Variants in VEZT observed in about 807,000 individuals in gnomAD.
VEZT encodes the protein vezatin, adherens junctions transmembrane protein.
Under a neutral mutation model 79.9 loss-of-function variants are expected in VEZT, and 39 were observed. The ratio of observed to expected loss-of-function variants is 0.49; its 90% confidence interval spans 0.38 to 0.64. The LOEUF is 0.64. Ranked by LOEUF, VEZT falls within the 30% of genes least tolerant of loss-of-function variation. The pLI, the probability that VEZT is intolerant of heterozygous loss-of-function variation, is 0.00. For synonymous variants in VEZT, 325 were observed against 327.6 expected (o/e 0.99, Z 0.09); for missense variants, 837 against 893.1 (o/e 0.94, Z 0.80).
At chr12:95,237,538 A>T (rs895764809) in intron 1 of VEZT, among the ~76,000 whole-genome samples, 10 of 152,220 alleles carry the variant, frequency 6.6e-5, no homozygotes, top group South Asian at 2.1e-4. Flanking sequence ...GTAACCTCAG[A>T]AATGGGCAGT....
intron 1 of VEZT, among the ~76,000 whole-genome samples, chr12:95,225,556 CAAACAAAACA>C (rs543072496): frequency 2.9e-4 from 44 of 151,632 alleles, no homozygotes; most frequent in South Asian, 2.7e-3. Context: ...GACTCTGTCT[CAAACAAAACA>C]AAACAAAACA....
chr12:95,250,500 A>G (rs1375497245), intron 1 of VEZT, among the ~76,000 whole-genome samples: 1 of 151,428 alleles, frequency 6.6e-6, no homozygotes, highest in African/African-American at 2.4e-5. Flanking sequence ...ACAGGGTTTC[A>G]CCATGTTGGC....
intron 4 of VEZT, among the ~76,000 whole-genome samples, chr12:95,265,440 A>G (rs2065350407): frequency 1.3e-5 from 2 of 148,986 alleles, no homozygotes; most frequent in Admixed American, 6.8e-5. Context: ...CATATTCTTG[A>G]TCTAGTATGT....
Position 95,301,691 on chromosome 12 carries a change from T to G in VEZT, c.*1018T>G, listed in dbSNP as rs959809006. ...TCAGCATATACAGTTTTGAAACCTGTAGCTCCTATGCAATAACATAGTTCT... is the reference window on the plus strand; with the variant it reads ...TCAGCATATACAGTTTTGAAACCTGGAGCTCCTATGCAATAACATAGTTCT... On this transcript the variant is annotated 3_prime_UTR_variant, in exon 12 of 12. Transcript: ENST00000436874. The G allele has an allele frequency of 6.6e-6, 1 of 152,256 alleles. No individual in the cohort carries two copies. The highest frequency in any genetic ancestry group is 2.1e-4 in the South Asian group (1 of 4,834). The allele number at this position is 152,256 out of a possible 1,614,324, so 9.4% of individuals were successfully genotyped here.
intron 2 of VEZT, 133 bp from the exon 3 acceptor site, chr12:95,257,017 T>A: frequency 1.5e-6 from 1 of 677,476 alleles, no homozygotes; most frequent in Non-Finnish European, 2.4e-6. Flanking sequence ...ACTGACAAGG[T>A]ATATAACCTG....
At chr12:95,229,915 C>T (rs1262244897) in intron 1 of VEZT, among the ~76,000 whole-genome samples, 5 of 151,968 alleles carry the variant, frequency 3.3e-5, no homozygotes, top group Non-Finnish European at 7.4e-5. Context: ...CATGGTGAAA[C>T]CCCATCTCTA....
At chr12:95,247,102 G>A (rs1333232854) in intron 1 of VEZT, among the ~76,000 whole-genome samples, 1 of 152,194 alleles carries the variant, frequency 6.6e-6, no homozygotes, top group Non-Finnish European at 1.5e-5. Context: ...TATGTTGAGT[G>A]ATCAGGTTTT....
intron 1 of VEZT, among the ~76,000 whole-genome samples, chr12:95,226,289 A>G (rs2058473961): frequency 6.6e-6 from 1 of 152,136 alleles, no homozygotes; most frequent in Non-Finnish European, 1.5e-5. Context: ...CTGTAACACA[A>G]GAGATACATT....
chr12:95,275,367 C>G (rs1018116855), intron 7 of VEZT, among the ~76,000 whole-genome samples: 7 of 152,068 alleles, frequency 4.6e-5, no homozygotes, highest in African/African-American at 1.4e-4. Flanking sequence ...CCAAAGCAGG[C>G]AGATCACCTG....
At chr12:95,270,261 C>T (rs577205532) in intron 6 of VEZT, 73 bp downstream of exon 6, 304 of 1,428,240 alleles carry the variant, frequency 2.1e-4, no homozygotes, top group South Asian at 1.9e-3. Context: ...ATAGTTGTAT[C>T]CTGTGAAAGT....
At chr12:95,221,801 T>G (rs2057634139) in intron 1 of VEZT, among the ~76,000 whole-genome samples, 1 of 152,036 alleles carries the variant, frequency 6.6e-6, no homozygotes, top group South Asian at 2.1e-4. Flanking sequence ...TGAGCTACAA[T>G]TCCAGCCTGG....
chr12:95,284,320 T>G (rs1238877083), intron 8 of VEZT, among the ~76,000 whole-genome samples: 1 of 152,232 alleles, frequency 6.6e-6, no homozygotes, highest in African/African-American at 2.4e-5. Flanking sequence ...TTTAGAATGC[T>G]CTTTTTGTGT....
intron 11 of VEZT, among the ~76,000 whole-genome samples, chr12:95,298,343 G>A (rs764749296): frequency 3.6e-4 from 55 of 152,222 alleles, no homozygotes; most frequent in Non-Finnish European, 6.2e-4. Context: ...GCATATAGCA[G>A]AGAAGGGAAA....
At chr12:95,269,664 T>C (rs2138722884) in intron 5 of VEZT, among the ~76,000 whole-genome samples, 1 of 152,290 alleles carries the variant, frequency 6.6e-6, no homozygotes, top group Non-Finnish European at 1.5e-5. Flanking sequence ...GAAAACTGAA[T>C]ATAAAGTAGC....
At chr12:95,243,636 G>A (rs1056250966) in intron 1 of VEZT, among the ~76,000 whole-genome samples, 4 of 152,200 alleles carry the variant, frequency 2.6e-5, no homozygotes, top group African/African-American at 9.6e-5. Flanking sequence ...TGATTTAGGT[G>A]TGGTTTGTCC....
intron 9 of VEZT, among the ~76,000 whole-genome samples, chr12:95,292,669 C>T (rs1407849346): frequency 6.6e-6 from 1 of 151,794 alleles, no homozygotes; most frequent in African/African-American, 2.4e-5. Flanking sequence ...CTGCCTCAGC[C>T]TCCCAAATAG....
Position 95,266,349 on chromosome 12 carries a change from G to T in VEZT, c.435-8G>T. Reference sequence around the variant, plus strand: ...ATGCATATCATTTTCTTCCTTTCTTGTTCCCAGGGATCTCTCAATGCTATT... The same window carrying T: ...ATGCATATCATTTTCTTCCTTTCTTTTTCCCAGGGATCTCTCAATGCTATT... On this transcript the variant is annotated splice_region_variant and splice_polypyrimidine_tract_variant and intron_variant, in intron 4 of 11. Coordinates refer to ENST00000436874, the MANE Select transcript of VEZT (RefSeq NM_017599.4). 13 of 1,586,066 alleles carry T rather than the reference G, an allele frequency of 8.2e-6. No individual in the cohort carries two copies. Among genetic ancestry groups the T allele is most frequent in the Admixed American group, 1.7e-5 (1 of 58,346 alleles).
intron 8 of VEZT, among the ~76,000 whole-genome samples, chr12:95,285,316 C>T (rs1400628860): frequency 2.0e-5 from 3 of 151,700 alleles, no homozygotes; most frequent in Non-Finnish European, 4.4e-5. Flanking sequence ...TGGTGGTACA[C>T]GCCTGTAGTC....
At chr12:95,235,635 A>C (rs1593178203) in intron 1 of VEZT, among the ~76,000 whole-genome samples, 1 of 126,426 alleles carries the variant, frequency 7.9e-6, no homozygotes, top group Non-Finnish European at 1.6e-5. Flanking sequence ...GGCACCCCTC[A>C]CCTCCCGGAT....
Sources: gnomAD v4.1 joint callset for allele counts (sites outside exome capture counted in the v4.1 genomes callset) on GRCh38, gnomAD v4.1.1 for gene constraint, MANE v1.5 for transcripts, NCBI Gene and HGNC (gene_info 2026-07-23, HGNC 2026-07-21) for gene names.